Variants in NUDT3 observed in about 807,000 individuals in gnomAD.
The protein encoded by NUDT3 is nudix hydrolase 3, also known as diphosphoinositol polyphosphate phosphohydrolase 1.
In NUDT3, 9 loss-of-function variants were observed where a neutral mutation model predicts 23.6. The ratio of observed to expected loss-of-function variants is 0.38; its 90% CI spans 0.23 to 0.66. The LOEUF (loss-of-function observed/expected upper bound fraction) is 0.66, where lower values mean the gene tolerates loss of function less well. Ranked by LOEUF, NUDT3 falls within the 30% of genes least tolerant of loss-of-function variation. The pLI, the probability that NUDT3 is intolerant of heterozygous loss-of-function variation, is 0.52. For missense variants in NUDT3, 172 were observed against 218.5 expected (o/e 0.79, Z 1.34); for synonymous variants, 86 against 82.6 (o/e 1.04, Z -0.22).
chr6:34,307,850 G>A (rs1474732451), intron 2 of NUDT3, among the ~76,000 whole-genome samples: 1 of 151,928 alleles, frequency 6.6e-6, no homozygotes, highest in African/African-American at 2.4e-5. Flanking sequence ...TGGGTGCAGG[G>A]GCTCATGCCT....
chr6:34,286,672 A>C lies in NUDT3; in HGVS notation c.*2081T>G, dbSNP rs1763338523. 6.6e-6 allele frequency: 1 copy of C among 151,634 alleles called. No homozygotes were observed. The highest frequency in any genetic ancestry group is 1.5e-5 in the Non-Finnish European group (1 of 67,982). 9.4% of individuals were successfully genotyped at this position (151,634 alleles called of 1,614,324 possible). On this transcript the variant is annotated 3_prime_UTR_variant, in exon 5 of 5. Coordinates refer to ENST00000607016, the MANE Select transcript of NUDT3 (RefSeq NM_006703.4). The stretch of plus-strand genomic sequence containing the variant: ...CAATGGGACCTCTCCTTGGGAATAT[A>C]ATTCCTTTCCCAGAGGTATCATGGT...
At chr6:34,351,321 A>C (rs1217933352) in intron 1 of NUDT3, among the ~76,000 whole-genome samples, 2 of 147,912 alleles carry the variant, frequency 1.4e-5, no homozygotes, top group Non-Finnish European at 3.0e-5. Context: ...AAAAAAAATT[A>C]GCCAGACCTA....
chr6:34,358,291 A>ACACACACACC (rs1305207158), intron 1 of NUDT3, among the ~76,000 whole-genome samples: 11 of 150,078 alleles, frequency 7.3e-5, no homozygotes, highest in East Asian at 3.9e-4. Flanking sequence ...ACACACACAC[A>ACACACACACC]CCCCTTATAA....
intron 2 of NUDT3, among the ~76,000 whole-genome samples, chr6:34,299,420 C>CA (rs1763563442): frequency 6.6e-6 from 1 of 151,964 alleles, no homozygotes; most frequent in East Asian, 1.9e-4. Flanking sequence ...ATAATCTGAA[C>CA]AATTGCCTAC....
intron 1 of NUDT3, among the ~76,000 whole-genome samples, chr6:34,372,110 C>T (rs934947437): frequency 2.6e-5 from 4 of 152,076 alleles, no homozygotes; most frequent in African/African-American, 9.7e-5. Context: ...TCCATGGTGT[C>T]TATGTGCCAT....
At chr6:34,366,440 GAGA>G (rs1011760718) in intron 1 of NUDT3, among the ~76,000 whole-genome samples, 41 of 130,330 alleles carry the variant, frequency 3.1e-4, no homozygotes, top group African/African-American at 1.2e-3. Context: ...GAAAGAGAGA[GAGA>G]AGGAGAGAGA....
At chr6:34,380,797 T>A (rs1014480762) in intron 1 of NUDT3, among the ~76,000 whole-genome samples, 3 of 152,164 alleles carry the variant, frequency 2.0e-5, no homozygotes, top group Admixed American at 2.0e-4. Context: ...AATACGTTAA[T>A]ACAAACAGGC....
At chr6:34,290,923 T>C (rs556782866) in intron 4 of NUDT3, among the ~76,000 whole-genome samples, 1 of 151,408 alleles carries the variant, frequency 6.6e-6, no homozygotes, top group South Asian at 2.1e-4. Flanking sequence ...GCCTCTCAAG[T>C]AGCTGGGATT....
chr6:34,364,532 C>A (rs776578670), intron 1 of NUDT3, among the ~76,000 whole-genome samples: 1 of 152,100 alleles, frequency 6.6e-6, no homozygotes, highest in African/African-American at 2.4e-5. Context: ...ACAACAACAA[C>A]GGAACAAATC....
rs60638769 is a variant in NUDT3, at chr6:34,299,073, G to GT, written c.211-3389dup. On this transcript the variant is annotated intron_variant, in intron 2 of 4. Transcript: ENST00000607016. ...CTCAGAGTCCAACTTTCATCTCCTAGTTTTTTCTCAAATGCTGCCACAAGC... is the reference window on the plus strand; with the variant it reads ...CTCAGAGTCCAACTTTCATCTCCTAGTTTTTTTCTCAAATGCTGCCACAAGC... Among the ~76,000 whole-genome samples the GT allele has an allele frequency of 3.3e-3, 500 of 152,192 alleles. 2 individuals are homozygous for GT. Among genetic ancestry groups the GT allele is most frequent in the African/African-American group, 0.01 (417 of 41,522 alleles).
chr6:34,330,554 T>C (rs540952377), intron 2 of NUDT3, among the ~76,000 whole-genome samples: 5 of 152,318 alleles, frequency 3.3e-5, no homozygotes, highest in African/African-American at 1.2e-4. Flanking sequence ...CCTAGCACTT[T>C]TGGAGGCCAA....
rs192702003 is a variant in NUDT3, at chr6:34,353,552, C to G, written c.100-11580G>C. Among the ~76,000 whole-genome samples, 160 of 152,024 alleles carry G rather than the reference C, an allele frequency of 1.1e-3. 1 individual carries two copies. The highest frequency in any genetic ancestry group is 2.8e-3 in the Admixed American group (42 of 15,244). On this transcript the variant is annotated intron_variant, in intron 1 of 4. Transcript: ENST00000607016. ...GAGTAGCTGGGATTAAAGGTGCGTG[C>G]CATCACATCCAGCTAATTTTTCTAT...
chr6:34,374,322 T>C (rs992727198), intron 1 of NUDT3, among the ~76,000 whole-genome samples: 1 of 152,190 alleles, frequency 6.6e-6, no homozygotes, highest in African/African-American at 2.4e-5. Flanking sequence ...TTCACTGACG[T>C]GGCTGGATAG....
intron 1 of NUDT3, among the ~76,000 whole-genome samples, chr6:34,390,081 T>C (rs1341755466): frequency 6.6e-6 from 1 of 151,970 alleles, no homozygotes; most frequent in Non-Finnish European, 1.5e-5. Context: ...GAGGTTGCAA[T>C]GAGCCGAGAT....
chr6:34,348,510 G>A (rs7768455), intron 1 of NUDT3, among the ~76,000 whole-genome samples: 2,319 of 152,076 alleles, frequency 0.015, 48 homozygotes, highest in African/African-American at 0.051. Context: ...GGGAGCGGTG[G>A]CTCACACCTG....
chr6:34,338,959 T>C (rs1764250152), intron 2 of NUDT3, among the ~76,000 whole-genome samples: 1 of 152,160 alleles, frequency 6.6e-6, no homozygotes, highest in African/African-American at 2.4e-5. Flanking sequence ...CTAGGAGAGC[T>C]CAAGAAACAC....
At position 34,350,013 on chromosome 6, in the gene NUDT3, C is replaced by G. The variant is rs910543121; in HGVS notation, c.100-8041G>C. 3.3e-5 allele frequency among the ~76,000 whole-genome samples: 5 copies of G among 149,736 alleles called. 1 individual carries two copies. Among genetic ancestry groups the G allele is most frequent in the African/African-American group, 1.0e-4 (4 of 39,962 alleles). On this transcript the variant is annotated intron_variant, in intron 1 of 4. Coordinates refer to ENST00000607016, the MANE Select transcript of NUDT3 (RefSeq NM_006703.4). The stretch of plus-strand genomic sequence containing the variant: ...GCTAGGCAGGAGAATGGCGTGAATC[C>G]GGGGGGTGGAGCTTGCAGTGAGCCG...
intron 4 of NUDT3, among the ~76,000 whole-genome samples, chr6:34,292,268 G>A (rs935763548): frequency 7.2e-5 from 11 of 152,186 alleles, no homozygotes; most frequent in African/African-American, 1.9e-4. Context: ...AAAGGGCTAC[G>A]AACTGCCCAG....
Position 34,286,941 on chromosome 6 carries a change from C to A in NUDT3, c.*1812G>T, listed in dbSNP as rs1763342916. Reference sequence around the variant, plus strand: ...AAGTAGCTGGGATTACAGGCGCCCACCTAATTTCTGCATTTTTAGTAGAGA... The same window carrying A: ...AAGTAGCTGGGATTACAGGCGCCCAACTAATTTCTGCATTTTTAGTAGAGA... On this transcript the variant is annotated 3_prime_UTR_variant, in exon 5 of 5. Transcript: ENST00000607016. 6.6e-6 allele frequency: 1 copy of A among 151,872 alleles called. No individual in the cohort carries two copies. Among genetic ancestry groups the A allele is most frequent in the African/African-American group, 2.4e-5 (1 of 41,314 alleles). 9.4% of individuals were successfully genotyped at this position (151,872 alleles called of 1,614,324 possible).
Sources: gnomAD v4.1 joint callset for allele counts (sites outside exome capture counted in the v4.1 genomes callset) on GRCh38, gnomAD v4.1.1 for gene constraint, MANE v1.5 for transcripts, NCBI Gene and HGNC (gene_info 2026-07-23, HGNC 2026-07-21) for gene names.